The following HMCN1 variants were observed in gnomAD, a reference collection of about 807,000 sequenced individuals.
The protein encoded by HMCN1 is hemicentin 1, also known as hemicentin-1.
HMCN1 carries 321 observed loss-of-function variants against 625.9 expected under a neutral mutation model. That is an observed-to-expected ratio of 0.51 (90% CI 0.47 to 0.56). HMCN1 has a LOEUF of 0.56. HMCN1 is among the 20% of genes least tolerant of loss of function. The pLI is 0.00. For synonymous variants in HMCN1, 2,425 were observed against 2,417.6 expected, an observed-to-expected ratio of 1.00 and a Z score of -0.09; for missense variants, 6,588 against 6,887.3, an observed-to-expected ratio of 0.96 and a Z score of 1.54.
intron 48 of HMCN1, 94 bp downstream of exon 48, chr1:186,062,694 G>T (rs1657790763): frequency 2.5e-6 from 2 of 806,046 alleles, no homozygotes; most frequent in Admixed American, 1.9e-5. Context: ...ATATATTTAG[G>T]GGGTACAAGT....
intron 17 of HMCN1, among the ~76,000 whole-genome samples, chr1:185,982,035 C>T (rs575868959): frequency 6.6e-6 from 1 of 152,148 alleles, no homozygotes; most frequent in South Asian, 2.1e-4. Context: ...TCTTTTTTAC[C>T]TTCTTTACTA....
chr1:186,128,204 A>G lies in HMCN1; in HGVS notation c.12817A>G (p.Lys4273Glu). 2 of 1,613,564 alleles carry G rather than the reference A, an allele frequency of 1.2e-6. No individual in the cohort carries two copies. The highest frequency in any genetic ancestry group is 4.5e-5 in the East Asian group (2 of 44,864). ...TELPGDVSLNKGEQLRLSCKA... is the reference protein window; with the variant it reads ...TELPGDVSLNEGEQLRLSCKA... ...ACTTCCTGGAGACGTGTCATTAAAT[A>G]AAGGAGAACAGCTACGATTAAGCTG... The change falls in exon 83 of 107, where the codon AAA (lysine) becomes GAA (glutamate). Residue 4273 changes from lysine to glutamate, a missense_variant. Coordinates refer to ENST00000271588, the MANE Select transcript of HMCN1 (RefSeq NM_031935.3).
chr1:185,863,199 ACT>A (rs1301556287), intron 2 of HMCN1, among the ~76,000 whole-genome samples: 2 of 151,954 alleles, frequency 1.3e-5, no homozygotes, highest in East Asian at 3.9e-4. Flanking sequence ...TACTTGTTGC[ACT>A]CTGCTGCCAT....
At chr1:185,789,882 C>G (rs73062512) in intron 1 of HMCN1, among the ~76,000 whole-genome samples, 13,728 of 152,198 alleles carry the variant, frequency 0.09, 1,997 homozygotes, top group African/African-American at 0.31. Flanking sequence ...ATTTTTTCCC[C>G]CTATCTCTGG....
chr1:186,150,499 T>A (rs1420319073), intron 93 of HMCN1, among the ~76,000 whole-genome samples: 2 of 152,192 alleles, frequency 1.3e-5, no homozygotes, highest in Non-Finnish European at 2.9e-5. Flanking sequence ...AAGCACAGTC[T>A]CTCTCAAGTT....
At chr1:186,037,195 ATCT>A (rs745916165) in intron 36 of HMCN1, among the ~76,000 whole-genome samples, 38 of 151,944 alleles carry the variant, frequency 2.5e-4, no homozygotes, top group South Asian at 1.0e-3. Flanking sequence ...AATTTACAAC[ATCT>A]TCTTCAAACA....
rs745311089 is a variant in HMCN1, at chr1:186,125,657, C to T, written c.12553C>T (p.Gln4185Ter). Residue 4185 changes from glutamine (Q) to a stop codon, truncating the protein, a stop_gained, in exon 82 of 107, where the codon CAA becomes TAA. Coordinates refer to ENST00000271588, the MANE Select transcript of HMCN1 (RefSeq NM_031935.3). LOFTEE classifies it high-confidence loss of function. Reference protein sequence around the residue: ...EGHYTVNENSQAILPCVADGI... With the variant: ...EGHYTVNENS ...ACACTACACGGTCAATGAGAATTCA[C>T]AAGCCATTCTTCCATGCGTAGCTGA... 1 of 1,612,722 alleles carries T rather than the reference C, an allele frequency of 6.2e-7. No individual in the cohort carries two copies. The highest frequency in any genetic ancestry group is 8.5e-7 in the Non-Finnish European group (1 of 1,179,416).
chr1:186,028,026 T>C (rs1655173501), intron 36 of HMCN1, among the ~76,000 whole-genome samples: 1 of 152,148 alleles, frequency 6.6e-6, no homozygotes, highest in Admixed American at 6.5e-5. Flanking sequence ...TTTCTTGGTA[T>C]AGATTAATTT....
intron 11 of HMCN1, among the ~76,000 whole-genome samples, chr1:185,942,550 G>A (rs1668136499): frequency 6.6e-6 from 1 of 152,168 alleles, no homozygotes; most frequent in Non-Finnish European, 1.5e-5. Flanking sequence ...AATTTTGGGA[G>A]TTCATATCAT....
intron 32 of HMCN1, 49 bp from the exon 33 acceptor site, chr1:186,016,914 T>A (rs1234377802): frequency 9.8e-7 from 1 of 1,023,508 alleles, no homozygotes; most frequent in Non-Finnish European, 1.6e-6. Context: ...GATGGTGTGT[T>A]TTTTGTTGTA....
chr1:186,189,331 C>G (rs1653564281), intron 106 of HMCN1, among the ~76,000 whole-genome samples, 181 bp from the exon 107 acceptor site: 1 of 152,178 alleles, frequency 6.6e-6, no homozygotes, highest in Non-Finnish European at 1.5e-5. Context: ...GCATCTTCTC[C>G]TAGTCATCTG....
intron 4 of HMCN1, among the ~76,000 whole-genome samples, chr1:185,899,096 A>G (rs1322119227): frequency 2.0e-5 from 3 of 152,118 alleles, no homozygotes; most frequent in Non-Finnish European, 4.4e-5. Flanking sequence ...TTGAGGGGGA[A>G]TTTTGCAGAA....
chr1:185,916,068 A>ATGTGTG (rs372973815), intron 6 of HMCN1, among the ~76,000 whole-genome samples: 2,836 of 149,468 alleles, frequency 0.019, 68 homozygotes, highest in African/African-American at 0.062. Context: ...GTGTGTGCAT[A>ATGTGTG]TGTGTGTGTG....
intron 1 of HMCN1, among the ~76,000 whole-genome samples, chr1:185,767,831 T>C (rs938077276): frequency 6.6e-6 from 1 of 152,138 alleles, no homozygotes; most frequent in Non-Finnish European, 1.5e-5. Flanking sequence ...AAGTCAGTGA[T>C]AGAAACAGAG....
intron 2 of HMCN1, among the ~76,000 whole-genome samples, chr1:185,859,471 GAT>G (rs1662729577): frequency 6.6e-6 from 1 of 151,888 alleles, no homozygotes; most frequent in Non-Finnish European, 1.5e-5. Context: ...AAAATATTTT[GAT>G]ATGTTATCAA....
At chr1:186,114,748 T>G (rs754988464) in intron 73 of HMCN1, 71 bp from the exon 74 acceptor site, 1 of 1,560,842 alleles carries the variant, frequency 6.4e-7, no homozygotes, top group Non-Finnish European at 8.8e-7. Context: ...TGTTTAACAT[T>G]TCCCTCAGTC....
At chr1:186,167,040 G>A in intron 100 of HMCN1, 98 bp downstream of exon 100, 2 of 1,459,256 alleles carry the variant, frequency 1.4e-6, no homozygotes, top group Non-Finnish European at 1.9e-6. Flanking sequence ...ACTCCACGAG[G>A]AAGGGACCAC....
intron 46 of HMCN1, among the ~76,000 whole-genome samples, chr1:186,061,288 C>T (rs1443844555): frequency 6.6e-6 from 1 of 152,118 alleles, no homozygotes; most frequent in Non-Finnish European, 1.5e-5. Context: ...CAGGCACCTT[C>T]TTCACAAGGC....
chr1:186,042,309 G>A (rs2102239763), intron 40 of HMCN1, among the ~76,000 whole-genome samples: 1 of 152,234 alleles, frequency 6.6e-6, no homozygotes, highest in East Asian at 1.9e-4. Context: ...GAACTGGAAA[G>A]TTTCTATTCT....
Sources: allele counts gnomAD v4.1 joint callset (sites outside exome capture counted in the v4.1 genomes callset), GRCh38; gene constraint gnomAD v4.1.1; transcripts MANE v1.5; gene names NCBI Gene and HGNC (gene_info 2026-07-23, HGNC 2026-07-21).